Variants in LINGO1 observed in about 807,000 individuals in gnomAD.
The protein encoded by LINGO1 is leucine-rich repeat and immunoglobulin-like domain-containing nogo receptor-interacting protein 1.
A neutral mutation model predicts 37.3 loss-of-function variants in LINGO1; 11 were observed. The observed-to-expected ratio is 0.29, with a 90% confidence interval of 0.19 to 0.49. The LOEUF (loss-of-function observed/expected upper bound fraction) is 0.49. Ranked by LOEUF, LINGO1 falls within the 20% of genes least tolerant of loss-of-function variation. The pLI is 0.99. For synonymous variants in LINGO1, 387 were observed against 403.0 expected (o/e 0.96, Z 0.48); for missense variants, 585 against 878.2 (o/e 0.67, Z 4.22).
At chr15:77,654,968 A>G (rs2074837214) in intron 3 of LINGO1, among the ~76,000 whole-genome samples, 1 of 152,098 alleles carries the variant, frequency 6.6e-6, no homozygotes, top group African/African-American at 2.4e-5. Flanking sequence ...ACAAAGCCAG[A>G]CTTCTCTCCT....
At chr15:77,663,784 G>A (rs1026194822) in intron 3 of LINGO1, among the ~76,000 whole-genome samples, 15 of 152,212 alleles carry the variant, frequency 9.9e-5, no homozygotes, top group Non-Finnish European at 5.9e-5. Context: ...CTGAAGGGTC[G>A]AGTGGGGGAT....
At chr15:77,638,750 G>A (rs57111162), upstream of LINGO1, among the ~76,000 whole-genome samples, 2,886 of 152,206 alleles carry the variant, frequency 0.019, 66 homozygotes, top group African/African-American at 0.059. Flanking sequence ...GTCACCCTAG[G>A]CAAGTCACTT....
chr15:77,631,445 C>T (rs2141075328), intron 1 of LINGO1, among the ~76,000 whole-genome samples: 1 of 152,332 alleles, frequency 6.6e-6, no homozygotes, highest in East Asian at 1.9e-4. Flanking sequence ...GCTGCGACCC[C>T]AGCAGGAACC....
chr15:77,767,147 G>A lies in LINGO1; in HGVS notation c.-257+19722C>T, dbSNP rs112351681. Among the ~76,000 whole-genome samples the A allele has an allele frequency of 1.7e-3, 264 of 152,252 alleles. 1 individual carries two copies. The highest frequency in any genetic ancestry group is 6.0e-3 in the African/African-American group (250 of 41,532). ...AATTTGACCCTCATCAAGACAGAGA[G>A]CACATAGTGAATTATCAGAACACAG... On this transcript the variant is annotated intron_variant, in intron 1 of 3. Coordinates refer to the LINGO1 transcript ENST00000561686.
chr15:77,662,078 A>G (rs1281825215), intron 3 of LINGO1, among the ~76,000 whole-genome samples: 2 of 152,226 alleles, frequency 1.3e-5, no homozygotes, highest in African/African-American at 2.4e-5. Flanking sequence ...ACAATAACTT[A>G]TAACTGGCTG....
intron 1 of LINGO1, among the ~76,000 whole-genome samples, chr15:77,763,939 C>A (rs1387975036): frequency 6.6e-6 from 1 of 152,234 alleles, no homozygotes; most frequent in Admixed American, 6.5e-5. Context: ...TCCCCCAAGT[C>A]TCCTCAACTC....
At chr15:77,733,455 C>T (rs1464630246) in intron 2 of LINGO1, among the ~76,000 whole-genome samples, 1 of 152,158 alleles carries the variant, frequency 6.6e-6, no homozygotes, top group African/African-American at 2.4e-5. Flanking sequence ...CCCTTGAGGG[C>T]CTGACCAGAG....
Position 77,614,959 on chromosome 15 carries a change from G to A in LINGO1, c.948C>T (p.Ile316=), listed in dbSNP as rs1435598562. 1 of 1,613,950 alleles carries A rather than the reference G, an allele frequency of 6.2e-7. No homozygotes were observed. ...MLHELLRLQE[I]QLVGGQLAVV... is the part of the protein sequence containing the mutation. ...CGGCCAGCTGCCCGCCCACCAGCTG[G>A]ATCTCCTGCAGCCGGAGCAGCTCAT... is the stretch of plus-strand genomic sequence containing the variant. The change falls in exon 2 of 2, where the codon ATC becomes ATT. Residue 316 remains isoleucine, a synonymous_variant. Transcript: ENST00000355300.
At chr15:77,774,936 C>T (rs564239751) in intron 1 of LINGO1, among the ~76,000 whole-genome samples, 5 of 152,270 alleles carry the variant, frequency 3.3e-5, no homozygotes, top group African/African-American at 9.6e-5. Context: ...CATCCTGCCC[C>T]GGAGAGGCCA....
intron 1 of LINGO1, among the ~76,000 whole-genome samples, chr15:77,618,382 C>T (rs528154759): frequency 1.3e-5 from 2 of 152,346 alleles, no homozygotes; most frequent in African/African-American, 4.8e-5. Context: ...CACACTCCTA[C>T]CTCTAAGCCA....
At chr15:77,722,181 C>CGCT (rs60080803) in intron 2 of LINGO1, among the ~76,000 whole-genome samples, 76,949 of 151,778 alleles carry the variant, frequency 0.51, 19,589 homozygotes, top group Admixed American at 0.61. Context: ...GTGTTGTCAG[C>CGCT]TTTTAAATGG....
rs1437040202 is a variant in LINGO1, at chr15:77,615,693, C to T, written c.214G>A (p.Glu72Lys). The T allele has an allele frequency of 2.5e-6, 4 of 1,604,512 alleles. No individual in the cohort carries two copies. Among genetic ancestry groups the T allele is most frequent in the Non-Finnish European group, 1.7e-6 (2 of 1,175,402 alleles). ...TTGCCTAGGTCCAGCAGGCGCGTCT[C>T]GGTGGGGATGCCCTCGGGGACTGCC... ...FVAVPEGIPT[E>K]TRLLDLGKNR... The change falls in exon 2 of 2, where the codon GAG (glutamate) becomes AAG (lysine). Residue 72 changes from glutamate to lysine, a missense_variant. Physicochemically the swap from Glu to Lys is moderately conservative, Grantham distance 56. Transcript: ENST00000355300.
intron 2 of LINGO1, among the ~76,000 whole-genome samples, chr15:77,728,780 C>T (rs1160648096): frequency 2.0e-5 from 3 of 152,230 alleles, no homozygotes; most frequent in African/African-American, 2.4e-5. Context: ...TACTTTTGGG[C>T]AAGTTTCTCA....
At chr15:77,764,726 G>A (rs1174589004) in intron 1 of LINGO1, among the ~76,000 whole-genome samples, 1 of 152,178 alleles carries the variant, frequency 6.6e-6, no homozygotes, top group Non-Finnish European at 1.5e-5. Flanking sequence ...GGCCATGGAA[G>A]GTGATGCAAG....
Position 77,614,022 on chromosome 15 carries a change from G to A in LINGO1, c.*22C>T, listed in dbSNP as rs762110266. On this transcript the variant is annotated 3_prime_UTR_variant, in exon 2 of 2. Coordinates refer to ENST00000355300, the MANE Select transcript of LINGO1 (RefSeq NM_032808.7). ...CCTTCCCCTGCCCGGCCGCCCGGGG[G>A]TCCCTGCCCCCCGCCCCGGCCTCAT... The A allele has an allele frequency of 7.1e-6, 11 of 1,545,464 alleles. No homozygotes were observed. The highest frequency in any genetic ancestry group is 9.6e-6 in the Non-Finnish European group (11 of 1,143,360).
chr15:77,820,536 C>G (rs2077088641), upstream of LINGO1, among the ~76,000 whole-genome samples: 1 of 152,186 alleles, frequency 6.6e-6, no homozygotes, highest in African/African-American at 2.4e-5. Flanking sequence ...GTGAAGCTGC[C>G]GTCTGAGTCT....
At chr15:77,655,787 C>T (rs554985817) in intron 3 of LINGO1, among the ~76,000 whole-genome samples, 25 of 152,344 alleles carry the variant, frequency 1.6e-4, no homozygotes, top group African/African-American at 4.8e-4. Context: ...CAGCTCCTGA[C>T]GAGACGGTGG....
chr15:77,736,728 C>T (rs755442530), intron 1 of LINGO1, among the ~76,000 whole-genome samples: 3 of 152,096 alleles, frequency 2.0e-5, no homozygotes, highest in Admixed American at 6.5e-5. Flanking sequence ...GAGCTATGAT[C>T]GTGCCACTGC....
chr15:77,799,533 C>A (rs536080116), intron 1 of LINGO1, among the ~76,000 whole-genome samples: 1 of 152,196 alleles, frequency 6.6e-6, no homozygotes, highest in Non-Finnish European at 1.5e-5. Flanking sequence ...AAGTGCCTTG[C>A]TACCCAGAAG....
Sources: allele counts gnomAD v4.1 joint callset (sites outside exome capture counted in the v4.1 genomes callset), GRCh38; gene constraint gnomAD v4.1.1; transcripts MANE v1.5; gene names NCBI Gene and HGNC (gene_info 2026-07-23, HGNC 2026-07-21).